Variants in SSUH2 observed in about 807,000 individuals in gnomAD.
The protein encoded by SSUH2 is protein SSUH2 homolog.
In SSUH2, 47 loss-of-function variants were observed where a neutral mutation model predicts 55.3. The ratio of observed to expected loss-of-function variants is 0.85; its 90% CI spans 0.67 to 1.08. The LOEUF (loss-of-function observed/expected upper bound fraction) is 1.08, where lower values mean the gene tolerates loss of function less well. Ranked by LOEUF, SSUH2 falls within the 50% of genes least tolerant of loss-of-function variation. The pLI, the probability that SSUH2 is intolerant of heterozygous loss-of-function variation, is 0.00. For synonymous variants in SSUH2, 212 were observed against 191.5 expected (o/e 1.11, Z -0.89); for missense variants, 535 against 490.7 (o/e 1.09, Z -0.85).
At chr3:8,663,853 G>A (rs372638100) in intron 5 of SSUH2, 80 of 456,720 alleles carry the variant, frequency 1.8e-4, no homozygotes, top group Non-Finnish European at 2.9e-4. Flanking sequence ...GTAATGATGC[G>A]TGTCCCAAGA....
At chr3:8,679,544 G>A (rs558915219) in intron 2 of SSUH2, among the ~76,000 whole-genome samples, 1 of 147,908 alleles carries the variant, frequency 6.8e-6, no homozygotes, top group Admixed American at 6.7e-5. Context: ...CACCCTCAGC[G>A]AGGCAGGAAC....
At chr3:8,650,397 C>T (rs1702258478) in intron 7 of SSUH2, among the ~76,000 whole-genome samples, 1 of 152,116 alleles carries the variant, frequency 6.6e-6, no homozygotes, top group Admixed American at 6.5e-5. Flanking sequence ...TGAACAGAGC[C>T]TGGAAAATAA....
At position 8,672,115 on chromosome 3, in the gene SSUH2, A is replaced by C. The variant is rs778660572; in HGVS notation, c.-752-80T>G. On this transcript the variant is annotated intron_variant, in intron 3 of 18. Transcript: ENST00000317371. ...GTAGTATCGTCCTCTCCCACGTTGA[A>C]ATTAGGAACAGTATCACTGGGGGCG... 3.3e-5 allele frequency: 5 copies of C among 152,118 alleles called. No individual in the cohort carries two copies. The East Asian group carries it at 9.7e-4, about 29-fold the overall frequency. The allele number at this position is 152,118 out of a possible 1,614,324, so 9.4% of individuals were successfully genotyped here.
intron 3 of SSUH2, among the ~76,000 whole-genome samples, chr3:8,676,240 C>G (rs1705247370): frequency 6.6e-6 from 1 of 152,012 alleles, no homozygotes; most frequent in African/African-American, 2.4e-5. Flanking sequence ...GTACACCCGT[C>G]TGTACTGGGA....
intron 1 of SSUH2, among the ~76,000 whole-genome samples, chr3:8,638,859 G>A (rs1000380554): frequency 6.6e-6 from 1 of 152,130 alleles, no homozygotes. Flanking sequence ...CAAGTCTTGG[G>A]TCTGCTGGGG....
intron 11 of SSUH2, among the ~76,000 whole-genome samples, chr3:8,620,651 C>G (rs779277840): frequency 3.9e-5 from 6 of 152,226 alleles, no homozygotes; most frequent in Non-Finnish European, 8.8e-5. Flanking sequence ...TGGGCACAGG[C>G]ATCCCCAGGG....
At chr3:8,640,172 G>A (rs141840943) in intron 1 of SSUH2, 25 of 193,706 alleles carry the variant, frequency 1.3e-4, no homozygotes, top group East Asian at 1.9e-4. Context: ...GCACAACAAC[G>A]TGAATGAACA....
At position 8,623,675 on chromosome 3, in the gene SSUH2, GAC is replaced by G; in HGVS notation, c.874-21_874-20del. ...GGTACACCTGGGGGAAAGAGAGAGAGACACAGACCACCTGGCTGCCGCACCTG... is the reference window on the plus strand; with the variant it reads ...GGTACACCTGGGGGAAAGAGAGAGAGACAGACCACCTGGCTGCCGCACCTG... On this transcript the variant is annotated intron_variant, in intron 10 of 11. Coordinates refer to ENST00000544814, the MANE Select transcript of SSUH2 (RefSeq NM_001256748.3). 4.5e-6 allele frequency: 6 copies of G among 1,327,218 alleles called. No homozygotes were observed. Among genetic ancestry groups the G allele is most frequent in the East Asian group, 2.6e-5 (1 of 37,858 alleles). The allele number at this position is 1,327,218 out of a possible 1,614,324, so 82.2% of individuals were successfully genotyped here.
At chr3:8,624,592 C>A (rs898562336) in intron 10 of SSUH2, among the ~76,000 whole-genome samples, 1 of 152,228 alleles carries the variant, frequency 6.6e-6, no homozygotes, top group Non-Finnish European at 1.5e-5. Flanking sequence ...CCAAGGCCAA[C>A]GGCAGAGTGA....
chr3:8,650,638 G>A (rs1702288764), intron 7 of SSUH2, among the ~76,000 whole-genome samples: 1 of 152,190 alleles, frequency 6.6e-6, no homozygotes, highest in Non-Finnish European at 1.5e-5. Flanking sequence ...TCCAGTCTGA[G>A]TGCCACATTA....
Position 8,650,952 on chromosome 3 carries a change from A to G in SSUH2, c.-307+7973T>C, listed in dbSNP as rs577162196. On this transcript the variant is annotated intron_variant, in intron 7 of 18. Transcript: ENST00000317371. ...GAGGTTTTAAATCGTGGCTCCTGGC[A>G]GGCAAGGAGAACAGAGTGGCTCATT... Among the ~76,000 whole-genome samples, 3 of 152,330 alleles carry G rather than the reference A, an allele frequency of 2.0e-5. No individual in the cohort carries two copies. The East Asian group carries it at 5.8e-4, about 29-fold the overall frequency.
chr3:8,622,786 G>T (rs575560541), intron 11 of SSUH2, among the ~76,000 whole-genome samples: 9 of 152,314 alleles, frequency 5.9e-5, no homozygotes, highest in African/African-American at 2.2e-4. Context: ...TGAGCACCGG[G>T]TGCCAAACAC....
At chr3:8,681,271 T>A (rs544239619) in intron 1 of SSUH2, among the ~76,000 whole-genome samples, 2 of 139,806 alleles carry the variant, frequency 1.4e-5, no homozygotes, top group Non-Finnish European at 1.6e-5. Flanking sequence ...AGGCAGGGAC[T>A]GACAGCCAGC....
At chr3:8,638,055 C>T (rs1227565404) in intron 1 of SSUH2, among the ~76,000 whole-genome samples, 1 of 152,124 alleles carries the variant, frequency 6.6e-6, no homozygotes, top group African/African-American at 2.4e-5. Flanking sequence ...TTGGCCCATC[C>T]CTGACTTAGA....
intron 1 of SSUH2, among the ~76,000 whole-genome samples, chr3:8,639,617 T>G (rs1352807318): frequency 6.6e-6 from 1 of 152,202 alleles, no homozygotes; most frequent in African/African-American, 2.4e-5. Flanking sequence ...GAAAGGAATT[T>G]TCCTTGTGGA....
chr3:8,657,144 G>A (rs1291823228), intron 7 of SSUH2, among the ~76,000 whole-genome samples: 1 of 152,190 alleles, frequency 6.6e-6, no homozygotes, highest in Non-Finnish European at 1.5e-5. Context: ...GCCTCCCAAA[G>A]TGCTGGGATT....
intron 8 of SSUH2, 63 bp downstream of exon 8, chr3:8,627,635 G>A: frequency 7.2e-7 from 1 of 1,380,090 alleles, no homozygotes. Context: ...CTTCCAGATG[G>A]GCAGGCAATG....
chr3:8,659,665 C>T (rs1575323828), intron 6 of SSUH2: 1 of 419,942 alleles, frequency 2.4e-6, no homozygotes, highest in East Asian at 7.6e-5. Context: ...CTGACCCAAA[C>T]CCTCAATGGG....
intron 1 of SSUH2, among the ~76,000 whole-genome samples, chr3:8,640,483 C>T (rs1189858630): frequency 6.6e-6 from 1 of 152,098 alleles, no homozygotes; most frequent in Non-Finnish European, 1.5e-5. Flanking sequence ...CATTAGATGC[C>T]CTTACCCACA....
Sources: allele counts gnomAD v4.1 joint callset (sites outside exome capture counted in the v4.1 genomes callset), GRCh38; gene constraint gnomAD v4.1.1; transcripts MANE v1.5; gene names NCBI Gene and HGNC (gene_info 2026-07-23, HGNC 2026-07-21).